The following KNG1 variants were observed in gnomAD, a reference collection of about 807,000 sequenced individuals.
The protein encoded by KNG1 is kininogen-1.
KNG1 carries 23 observed loss-of-function variants against 47.8 expected under a neutral mutation model. The observed-to-expected ratio is 0.48, with a 90% confidence interval of 0.35 to 0.68. The LOEUF (loss-of-function observed/expected upper bound fraction) is 0.68, where lower values mean the gene tolerates loss of function less well. KNG1 is among the 30% of genes least tolerant of loss of function. KNG1 has a pLI of 0.01. For missense variants in KNG1, 762 were observed against 790.2 expected, an observed-to-expected ratio of 0.96 and a Z score of 0.43; for synonymous variants, 277 against 277.0, an observed-to-expected ratio of 1.00 and a Z score of 0.00.
intron 7 of KNG1, 189 bp from the exon 8 acceptor site, chr3:186,738,910 G>A: frequency 1.7e-6 from 1 of 577,886 alleles, no homozygotes; most frequent in East Asian, 3.0e-5. Context: ...AAAGGAAATG[G>A]GACCAACCGA....
chr3:186,739,468 C>T (rs1720752054), intron 9 of KNG1, 54 bp downstream of exon 9: 8 of 1,204,128 alleles, frequency 6.6e-6, no homozygotes, highest in African/African-American at 1.5e-5. Flanking sequence ...TCTGAAAATC[C>T]ATATTTGGGG....
chr3:186,731,591 G>C lies in KNG1; in HGVS notation c.719G>C (p.Arg240Pro), dbSNP rs369801278. The part of the protein sequence containing the change: ...TDNAYIDIQL[R>P]IASFSQNCDI... ...AATGCATACATCGATATTCAGCTACGAATTGCTTCCTTCTCACAGAACTGT... is the reference window on the plus strand; with the variant it reads ...AATGCATACATCGATATTCAGCTACCAATTGCTTCCTTCTCACAGAACTGT... The change falls in exon 6 of 10, where the codon CGA becomes CCA. Residue 240 changes from arginine to proline, a missense_variant. Arg to Pro is a moderately radical substitution (Grantham distance 103). Transcript: ENST00000644859. The C allele has an allele frequency of 6.2e-7, 1 of 1,611,592 alleles. No individual in the cohort carries two copies. The highest frequency in any genetic ancestry group is 8.5e-7 in the Non-Finnish European group (1 of 1,177,748).
Position 186,741,595 on chromosome 3 carries a change from C to G in KNG1, c.1199C>G (p.Thr400Arg). 6.2e-7 allele frequency: 1 copy of G among 1,610,044 alleles called. No homozygotes were observed. Among genetic ancestry groups the G allele is most frequent in the Non-Finnish European group, 8.5e-7 (1 of 1,178,988 alleles). Residue 400 changes from threonine to arginine, a missense_variant, in exon 10 of 10, where the codon ACA becomes AGA. Coordinates refer to ENST00000644859, the MANE Select transcript of KNG1 (RefSeq NM_001102416.3). ...SSRIGEIKEETTVSPPHTSMA... is the reference protein window; with the variant it reads ...SSRIGEIKEERTVSPPHTSMA... ...CGAATAGGGGAAATAAAAGAAGAAA[C>G]AACTGTAAGTCCACCCCACACTTCC... is the stretch of plus-strand genomic sequence containing the variant.
rs565079148 is a variant in KNG1 at position 186,724,735 on chromosome 3, G to A, written c.392-353G>A. ...TTTTGAGACACAGTCTTGCTCTGTC[G>A]CCCAGGCTGGAGTGCAGTCGCATGA... On this transcript the variant is annotated intron_variant, in intron 3 of 9. Transcript: ENST00000644859. 9.3e-5 allele frequency among the ~76,000 whole-genome samples: 14 copies of A among 150,826 alleles called. No individual in the cohort carries two copies. In the South Asian group the frequency reaches 1.9e-3, roughly 20 times the overall value.
intron 1 of KNG1, chr3:186,718,674 T>G (rs923281760): frequency 2.0e-5 from 3 of 151,856 alleles, no homozygotes; most frequent in Non-Finnish European, 4.4e-5. Context: ...ATTCACTGGG[T>G]CTCTGGCCCT....
chr3:186,720,110 C>A lies in KNG1; in HGVS notation c.201C>A (p.Gly67=). The part of the protein sequence containing the change: ...YRITEATKTV[G]SDTFYSFKYE... ...TATCTTTGGCTGCTTTTCAGGTTGGCTCTGACACGTTTTATTCCTTCAAGT... is the reference window on the plus strand; with the variant it reads ...TATCTTTGGCTGCTTTTCAGGTTGGATCTGACACGTTTTATTCCTTCAAGT... Residue 67 remains glycine (G), a synonymous_variant, in exon 2 of 10, where the codon GGC becomes GGA. Coordinates refer to ENST00000644859, the MANE Select transcript of KNG1 (RefSeq NM_001102416.3). The A allele has an allele frequency of 6.2e-7, 1 of 1,611,738 alleles. No homozygotes were observed. Among genetic ancestry groups the A allele is most frequent in the Admixed American group, 1.7e-5 (1 of 60,014 alleles).
rs775481080 is a variant in KNG1 at position 186,717,565 on chromosome 3, T to A, written c.23T>A (p.Phe8Tyr). ...ATCATGAAACTAATTACCATCCTTT[T>A]CCTCTGCTCCAGGCTGCTACTAAGT... is the stretch of plus-strand genomic sequence containing the variant. MKLITILFLCSRLLLSLT... is the reference protein window; with the variant it reads MKLITILYLCSRLLLSLT... The change falls in exon 1 of 10, where the codon TTC becomes TAC. Residue 8 changes from phenylalanine (F) to tyrosine (Y), a missense_variant. By Grantham distance (22) the Phe-to-Tyr change is conservative. Coordinates refer to ENST00000644859, the MANE Select transcript of KNG1 (RefSeq NM_001102416.3). 4 of 1,611,810 alleles carry A rather than the reference T, an allele frequency of 2.5e-6. No homozygotes were observed. The highest frequency in any genetic ancestry group is 3.4e-6 in the Non-Finnish European group (4 of 1,178,706).
chr3:186,729,778 T>C (rs1393489145), intron 5 of KNG1, among the ~76,000 whole-genome samples: 1 of 152,118 alleles, frequency 6.6e-6, no homozygotes, highest in Admixed American at 6.5e-5. Context: ...GTTCAAGTGA[T>C]TCTCCTGCCT....
intron 3 of KNG1, among the ~76,000 whole-genome samples, chr3:186,724,754 C>G (rs1254035202): frequency 1.4e-4 from 21 of 151,432 alleles, no homozygotes; most frequent in African/African-American, 4.9e-4. Flanking sequence ...GGAGTGCAGT[C>G]GCATGATCTC....
chr3:186,720,695 G>A (rs991354206), intron 2 of KNG1: 5 of 167,530 alleles, frequency 3.0e-5, no homozygotes, highest in East Asian at 3.2e-4. Flanking sequence ...GAAATCAGAT[G>A]AATTATGCAA....
Position 186,720,804 on chromosome 3 carries a change from T to C in KNG1, c.306+589T>C, listed in dbSNP as rs866343879. Among the ~76,000 whole-genome samples, 47 of 144,002 alleles carry C rather than the reference T, an allele frequency of 3.3e-4. 1 individual carries two copies. The South Asian group carries it at 0.01, about 31-fold the overall frequency. 94.5% of individuals were successfully genotyped at this position (144,002 alleles called of 152,430 possible). The stretch of plus-strand genomic sequence containing the variant: ...TTTTGCTTTTTTTTTTTTTTTTTTT[T>C]TTTGAGCCAGAGTCTCGCTCTGTCG... On this transcript the variant is annotated intron_variant, in intron 2 of 9. Transcript: ENST00000644859.
Position 186,720,203 on chromosome 3 carries a change from T to C in KNG1, c.294T>C (p.Asp98=). ...CCTGGCAGGACTGTGAGTACAAGGA[T>C]GCTGCAAAAGCAGTAAGTGTATTGG... is the stretch of plus-strand genomic sequence containing the variant. The part of the protein sequence containing the change: ...GKTWQDCEYK[D]AAKAATGECT... Residue 98 remains aspartate (D), a synonymous_variant, in exon 2 of 10, where the codon GAT becomes GAC. Transcript: ENST00000644859. 6.2e-7 allele frequency: 1 copy of C among 1,609,610 alleles called. No individual in the cohort carries two copies. The highest frequency in any genetic ancestry group is 8.5e-7 in the Non-Finnish European group (1 of 1,175,964).
intron 2 of KNG1, 109 bp downstream of exon 2, chr3:186,720,324 C>G (rs1445254758): frequency 2.7e-6 from 2 of 743,322 alleles, no homozygotes; most frequent in Non-Finnish European, 4.9e-6. Context: ...ATGAGAAATG[C>G]AAATAAACAT....
Position 186,737,837 on chromosome 3 carries a change from G to A in KNG1, c.931-1262G>A, listed in dbSNP as rs540897907. On this transcript the variant is annotated intron_variant, in intron 7 of 9. Coordinates refer to ENST00000644859, the MANE Select transcript of KNG1 (RefSeq NM_001102416.3). ...AGGCCCCCAAAGTGCTGGAATTACA[G>A]GCAGGAGCCACTATTCCCGGCCAAC... Among the ~76,000 whole-genome samples the A allele has an allele frequency of 1.8e-3, 277 of 152,236 alleles. 1 individual carries two copies. Among genetic ancestry groups the A allele is most frequent in the African/African-American group, 6.2e-3 (259 of 41,516 alleles).
chr3:186,735,779 G>A (rs1720658001), intron 7 of KNG1: 1 of 152,248 alleles, frequency 6.6e-6, no homozygotes, highest in African/African-American at 2.4e-5. Flanking sequence ...TCTAGCCTAG[G>A]TGATAGAACA....
intron 2 of KNG1, chr3:186,720,486 G>T: frequency 1.3e-4 from 47 of 351,666 alleles, no homozygotes; most frequent in Admixed American, 1.7e-4. Context: ...ACTCCAGAGA[G>T]ATAACAAATT....
At chr3:186,738,894 C>A in intron 7 of KNG1, 1 of 540,050 alleles carries the variant, frequency 1.9e-6, no homozygotes, top group South Asian at 2.2e-5. Context: ...TCTTCCCCCA[C>A]TTAGAAAAGG....
chr3:186,736,360 A>G (rs551273339), intron 7 of KNG1: 50 of 152,308 alleles, frequency 3.3e-4, no homozygotes, highest in Admixed American at 5.9e-4. Context: ...AAAATGACCA[A>G]TTTGCCAAAT....
intron 1 of KNG1, 41 bp downstream of exon 1, chr3:186,717,778 G>C: frequency 6.8e-7 from 1 of 1,466,244 alleles, no homozygotes; most frequent in Non-Finnish European, 9.5e-7. Flanking sequence ...CTTGGGATTT[G>C]TACTATCACT....
Sources: gnomAD v4.1 joint callset for allele counts (sites outside exome capture counted in the v4.1 genomes callset) on GRCh38, gnomAD v4.1.1 for gene constraint, MANE v1.5 for transcripts, NCBI Gene and HGNC (gene_info 2026-07-23, HGNC 2026-07-21) for gene names.